NAV3: variants seen among roughly 807,000 people sequenced by gnomAD.
NAV3 encodes pore membrane and/or filament interacting like protein 1.
In NAV3, 87 loss-of-function variants were observed where a neutral mutation model predicts 244.7. The observed-to-expected ratio is 0.36, with a 90% confidence interval of 0.30 to 0.42. NAV3 has a LOEUF of 0.42. NAV3 is among the 20% of genes least tolerant of loss of function. NAV3 has a pLI of 1.00. For synonymous variants in NAV3, 1,126 were observed against 1,042.2 expected (o/e 1.08, Z -1.55); for missense variants, 2,663 against 2,893.3 (o/e 0.92, Z 1.83).
chr12:77,927,152 C>A (rs914038195), intron 1 of NAV3, among the ~76,000 whole-genome samples: 1 of 152,282 alleles, frequency 6.6e-6, no homozygotes, highest in South Asian at 2.1e-4. Flanking sequence ...GTTTTCATAA[C>A]TGTTTTTTAA....
chr12:77,732,064 A>G (rs945819162), intron 2 of NAV3, among the ~76,000 whole-genome samples: 36 of 151,976 alleles, frequency 2.4e-4, no homozygotes, highest in African/African-American at 8.5e-4. Flanking sequence ...AAAACTTACA[A>G]GATAAAACAT....
chr12:77,938,815 A>G (rs1229091898), intron 1 of NAV3, among the ~76,000 whole-genome samples: 1 of 152,182 alleles, frequency 6.6e-6, no homozygotes, highest in African/African-American at 2.4e-5. Context: ...TATTAAAAAT[A>G]GATGAACATA....
intron 24 of NAV3, among the ~76,000 whole-genome samples, chr12:78,172,367 A>G (rs946296269): frequency 4.0e-5 from 6 of 151,654 alleles, no homozygotes; most frequent in Non-Finnish European, 5.9e-5. Context: ...ACCACATGCC[A>G]TATGCTTGTA....
rs553345286 is a variant in NAV3 at position 78,101,896 on chromosome 12, G to A, written c.2637-14876G>A. Among the ~76,000 whole-genome samples the A allele has an allele frequency of 6.2e-3, 939 of 152,026 alleles. 11 individuals carry two copies. The highest frequency in any genetic ancestry group is 0.021 in the African/African-American group (882 of 41,496). ...TTATTATTGCAAAGATTATTGTGCC[G>A]AATAATATGAAAATATTTTATATAA... On this transcript the variant is annotated intron_variant, in intron 12 of 39. Coordinates refer to ENST00000397909, the MANE Select transcript of NAV3 (RefSeq NM_001024383.2).
intron 1 of NAV3, among the ~76,000 whole-genome samples, chr12:77,905,387 C>G (rs1885858515): frequency 6.6e-6 from 1 of 151,970 alleles, no homozygotes; most frequent in East Asian, 1.9e-4. Context: ...CTTAACTTCT[C>G]TTTATAGGGA....
At chr12:77,804,751 A>G (rs1199400865) in intron 2 of NAV3, among the ~76,000 whole-genome samples, 2 of 151,998 alleles carry the variant, frequency 1.3e-5, no homozygotes, top group South Asian at 4.1e-4. Context: ...TAATCTCTAA[A>G]TTACTTTGGG....
At chr12:77,885,440 G>T (rs1007541864) in intron 1 of NAV3, among the ~76,000 whole-genome samples, 2 of 151,900 alleles carry the variant, frequency 1.3e-5, no homozygotes, top group Non-Finnish European at 2.9e-5. Context: ...AGTACCTTAC[G>T]CAGAATAAGT....
chr12:77,729,989 G>A (rs1278859844), intron 2 of NAV3, among the ~76,000 whole-genome samples: 1 of 151,868 alleles, frequency 6.6e-6, no homozygotes, highest in Non-Finnish European at 1.5e-5. Flanking sequence ...GGGAATGAGG[G>A]GTATAGAATT....
rs186489504 is a variant in NAV3 at position 78,116,545 on chromosome 12, A to T, written c.2637-227A>T. On this transcript the variant is annotated intron_variant, in intron 12 of 39. Coordinates refer to ENST00000397909, the MANE Select transcript of NAV3 (RefSeq NM_001024383.2). The stretch of plus-strand genomic sequence containing the variant: ...ACACACATTCTTCTTGAACCTGGAC[A>T]CTGCTCTAGACACTGATTCTTTCCA... Among the ~76,000 whole-genome samples, 1,160 of 152,288 alleles carry T rather than the reference A, an allele frequency of 7.6e-3. 13 individuals carry two copies. Among genetic ancestry groups the T allele is most frequent in the Non-Finnish European group, 0.012 (843 of 68,018 alleles).
intron 1 of NAV3, among the ~76,000 whole-genome samples, chr12:77,929,798 ATTTTTTTT>A (rs10602394): frequency 3.8e-5 from 4 of 106,002 alleles, no homozygotes; most frequent in Non-Finnish European, 3.7e-5. Flanking sequence ...ACGGCCAGCT[ATTTTTTTT>A]TTTTTTTTTT....
At chr12:78,194,576 T>C (rs183044587) in intron 34 of NAV3, among the ~76,000 whole-genome samples, 2 of 152,192 alleles carry the variant, frequency 1.3e-5, no homozygotes, top group African/African-American at 4.8e-5. Flanking sequence ...GTCTTGCTTC[T>C]TCCTTTCAAT....
chr12:78,112,224 G>A (rs1030553996), intron 12 of NAV3, among the ~76,000 whole-genome samples: 8 of 152,160 alleles, frequency 5.3e-5, no homozygotes, highest in Admixed American at 3.3e-4. Flanking sequence ...CTGCCACATT[G>A]CTTGCCAGAA....
At position 78,082,470 on chromosome 12, in the gene NAV3, G is replaced by A. The variant is rs537625055; in HGVS notation, c.2636+23355G>A. Among the ~76,000 whole-genome samples the A allele has an allele frequency of 1.1e-4, 16 of 151,970 alleles. No homozygotes were observed. The South Asian group carries it at 1.2e-3, about 12-fold the overall frequency. ...GATCAATTAAAAATTGATTTTTCTC[G>A]GAAGTTTTCCCTTGAAGGTAGTCAG... On this transcript the variant is annotated intron_variant, in intron 12 of 39. Coordinates refer to ENST00000397909, the MANE Select transcript of NAV3 (RefSeq NM_001024383.2).
chr12:78,014,957 G>T (rs1875925334), intron 8 of NAV3, among the ~76,000 whole-genome samples: 2 of 152,080 alleles, frequency 1.3e-5, no homozygotes, highest in African/African-American at 4.8e-5. Flanking sequence ...ACATCAGGTA[G>T]TGATTTGCAT....
chr12:77,686,424 C>CTTT (rs10573795), intron 2 of NAV3, among the ~76,000 whole-genome samples: 3 of 113,860 alleles, frequency 2.6e-5, no homozygotes, highest in African/African-American at 1.0e-4. Flanking sequence ...TTCTTTCTTT[C>CTTT]TTTTTTTTTT....
At chr12:77,984,824 T>G (rs1283329072) in intron 5 of NAV3, among the ~76,000 whole-genome samples, 2 of 149,606 alleles carry the variant, frequency 1.3e-5, no homozygotes, top group Non-Finnish European at 3.0e-5. Flanking sequence ...AGGTTTTTTG[T>G]TTTTTTTTTC....
At chr12:78,135,144 A>G (rs1956319513) in intron 18 of NAV3, among the ~76,000 whole-genome samples, 1 of 152,132 alleles carries the variant, frequency 6.6e-6, no homozygotes, top group Non-Finnish European at 1.5e-5. Context: ...TTATCTTTGT[A>G]TGTCTTACAT....
intron 1 of NAV3, among the ~76,000 whole-genome samples, chr12:77,892,895 G>A (rs1884117964): frequency 6.6e-6 from 1 of 152,096 alleles, no homozygotes. Flanking sequence ...GCTATTAAAA[G>A]GGAAAAGAAA....
intron 2 of NAV3, among the ~76,000 whole-genome samples, chr12:77,729,323 T>G (rs1404346930): frequency 6.6e-6 from 1 of 151,982 alleles, no homozygotes; most frequent in East Asian, 1.9e-4. Flanking sequence ...TGATCCTTCC[T>G]AAAGTAGTTT....
Sources: gnomAD v4.1 joint callset for allele counts (sites outside exome capture counted in the v4.1 genomes callset) on GRCh38, gnomAD v4.1.1 for gene constraint, MANE v1.5 for transcripts, NCBI Gene and HGNC (gene_info 2026-07-23, HGNC 2026-07-21) for gene names.